The following TMEM38A variants were observed in gnomAD, a reference collection of about 807,000 sequenced individuals.
TMEM38A encodes the protein trimeric intracellular cation channel type A.
In TMEM38A, 17 loss-of-function variants were observed where a neutral mutation model predicts 28.6. The ratio of observed to expected loss-of-function variants is 0.60; its 90% CI spans 0.41 to 0.89. TMEM38A has a LOEUF of 0.89. Among genes scored for constraint, TMEM38A ranks in the 40% least tolerant of loss-of-function variants. The probability of loss-of-function intolerance (pLI) is 0.00; values close to 1 mark genes in which losing one functional copy is unlikely to be tolerated. For missense variants in TMEM38A, 328 were observed against 393.1 expected (o/e 0.83, Z 1.40); for synonymous variants, 169 against 166.1 (o/e 1.02, Z -0.14).
chr19:16,673,790 T>C (rs543253926), intron 1 of TMEM38A, among the ~76,000 whole-genome samples: 1 of 152,260 alleles, frequency 6.6e-6, no homozygotes, highest in East Asian at 1.9e-4. Flanking sequence ...GTTGTTACAA[T>C]GTCACCAGAA....
intron 1 of TMEM38A, among the ~76,000 whole-genome samples, chr19:16,664,856 T>TA (rs1229859338): frequency 1.4e-5 from 2 of 147,562 alleles, no homozygotes; most frequent in Admixed American, 6.8e-5. Flanking sequence ...CCGTGTCTCC[T>TA]AAAAAAATAA....
intron 1 of TMEM38A, among the ~76,000 whole-genome samples, chr19:16,668,373 T>C (rs1222302777): frequency 6.6e-6 from 1 of 151,738 alleles, no homozygotes; most frequent in African/African-American, 2.4e-5. Context: ...AGTGAAACCC[T>C]GTCTCTACTA....
At chr19:16,666,327 G>A (rs1321335012) in intron 1 of TMEM38A, among the ~76,000 whole-genome samples, 1 of 151,684 alleles carries the variant, frequency 6.6e-6, no homozygotes, top group African/African-American at 2.4e-5. Flanking sequence ...ATGTTGGTCA[G>A]GGTGGTCTCA....
At chr19:16,681,881 A>G (rs1421785762) in intron 3 of TMEM38A, among the ~76,000 whole-genome samples, 2 of 152,326 alleles carry the variant, frequency 1.3e-5, no homozygotes, top group African/African-American at 2.4e-5. Context: ...TGGATGTCCA[A>G]GTCTATTTAA....
chr19:16,673,930 A>C (rs1221104857), intron 1 of TMEM38A, among the ~76,000 whole-genome samples: 1 of 149,032 alleles, frequency 6.7e-6, no homozygotes, highest in Non-Finnish European at 1.5e-5. Context: ...TTTACAAAAA[A>C]AGAAAAAAAA....
At chr19:16,671,951 C>A (rs1037936397) in intron 1 of TMEM38A, among the ~76,000 whole-genome samples, 1 of 152,186 alleles carries the variant, frequency 6.6e-6, no homozygotes, top group Non-Finnish European at 1.5e-5. Flanking sequence ...GTGCCTCACC[C>A]GACCTGGCCT....
At position 16,661,793 on chromosome 19, in the gene TMEM38A, T is replaced by C. The variant is rs926980672; in HGVS notation, c.124+452T>C. ...CTATAAGGGCCACTGCGCTGGGGGC[T>C]GCGGTCAGGTTCAGCGAAAGTGACA... On this transcript the variant is annotated intron_variant, in intron 1 of 5. Coordinates refer to ENST00000187762, the MANE Select transcript of TMEM38A (RefSeq NM_024074.4). This position sits in a 1 kb window ranked among gnomAD's most constrained non-coding sequence, Gnocchi z 6.5. 2.6e-5 allele frequency among the ~76,000 whole-genome samples: 4 copies of C among 152,028 alleles called. No homozygotes were observed. The highest frequency in any genetic ancestry group is 9.7e-5 in the African/African-American group (4 of 41,398).
At chr19:16,665,111 A>G (rs1245453425) in intron 1 of TMEM38A, among the ~76,000 whole-genome samples, 2 of 152,136 alleles carry the variant, frequency 1.3e-5, no homozygotes, top group Admixed American at 6.6e-5. Context: ...CCTGACCTAC[A>G]TGGAGAAACC....
intron 1 of TMEM38A, among the ~76,000 whole-genome samples, chr19:16,676,755 C>CTT (rs960732087): frequency 0.08 from 9,519 of 119,230 alleles, 716 homozygotes; most frequent in African/African-American, 0.16. Context: ...TTTTCATGAC[C>CTT]TTTTTTTTTT....
At chr19:16,663,431 G>C (rs2086690682) in intron 1 of TMEM38A, among the ~76,000 whole-genome samples, 1 of 152,110 alleles carries the variant, frequency 6.6e-6, no homozygotes, top group African/African-American at 2.4e-5. Flanking sequence ...AGCCATCCAG[G>C]CTCTAAGTGC....
At chr19:16,681,100 T>C (rs1414899673) in intron 3 of TMEM38A, among the ~76,000 whole-genome samples, 1 of 152,182 alleles carries the variant, frequency 6.6e-6, no homozygotes, top group Non-Finnish European at 1.5e-5. Flanking sequence ...ATGGCCCTTT[T>C]GCCAGTGAAG....
intron 1 of TMEM38A, among the ~76,000 whole-genome samples, chr19:16,668,740 T>A (rs967823206): frequency 5.9e-5 from 9 of 152,154 alleles, no homozygotes; most frequent in African/African-American, 1.9e-4. Flanking sequence ...ACTGGCTTCT[T>A]TCACTTAGGA....
chr19:16,663,136 C>T (rs777644630), intron 1 of TMEM38A, among the ~76,000 whole-genome samples: 6 of 151,930 alleles, frequency 3.9e-5, no homozygotes, highest in Non-Finnish European at 7.4e-5. Context: ...AAAAAATTAG[C>T]CAGGCATGGT....
intron 1 of TMEM38A, among the ~76,000 whole-genome samples, chr19:16,677,985 A>G (rs1268710284): frequency 6.6e-6 from 1 of 152,172 alleles, no homozygotes; most frequent in Non-Finnish European, 1.5e-5. Flanking sequence ...CATCAATTTC[A>G]TAGAGACAGA....
chr19:16,671,658 G>T lies in TMEM38A; in HGVS notation c.125-8326G>T, dbSNP rs1275695195. Among the ~76,000 whole-genome samples the T allele has an allele frequency of 3.9e-5, 6 of 152,242 alleles. No individual in the cohort carries two copies. The South Asian group carries it at 1.0e-3, about 26-fold the overall frequency. On this transcript the variant is annotated intron_variant, in intron 1 of 5. Coordinates refer to ENST00000187762, the MANE Select transcript of TMEM38A (RefSeq NM_024074.4). ...TTGCCCAGGCTGGTCTTGAACTCCTGAGCTCAAGTGATCTGCCTGCCTTGG... is the reference window on the plus strand; with the variant it reads ...TTGCCCAGGCTGGTCTTGAACTCCTTAGCTCAAGTGATCTGCCTGCCTTGG...
chr19:16,670,368 A>G (rs1276076775), intron 1 of TMEM38A, among the ~76,000 whole-genome samples: 1 of 142,222 alleles, frequency 7.0e-6, no homozygotes, highest in Non-Finnish European at 1.5e-5. Context: ...TCCGCCTCCC[A>G]GGTTCAAGCG....
intron 4 of TMEM38A, among the ~76,000 whole-genome samples, chr19:16,684,047 T>A (rs11671422): frequency 0.074 from 11,150 of 151,478 alleles, 538 homozygotes; most frequent in Non-Finnish European, 0.11. Flanking sequence ...GGAGAACCGG[T>A]TGAACCCGGG....
At chr19:16,679,216 G>A (rs2086767280) in intron 1 of TMEM38A, among the ~76,000 whole-genome samples, 1 of 150,240 alleles carries the variant, frequency 6.7e-6, no homozygotes, top group South Asian at 2.1e-4. Context: ...GGGATCTTGG[G>A]ATCAGCTGAG....
chr19:16,676,163 A>G lies in TMEM38A; in HGVS notation c.125-3821A>G, dbSNP rs1232715468. On this transcript the variant is annotated intron_variant, in intron 1 of 5. Transcript: ENST00000187762. ...ATCACGAGGTCAGGAGATTGAGACC[A>G]TCTTGGCTAACACAGTGAAACCCCG... Among the ~76,000 whole-genome samples, 12 of 133,774 alleles carry G rather than the reference A, an allele frequency of 9.0e-5. 1 individual carries two copies. Among genetic ancestry groups the G allele is most frequent in the African/African-American group, 1.6e-4 (4 of 25,380 alleles). The allele number at this position is 133,774 out of a possible 152,430, so 87.8% of individuals were successfully genotyped here.
Sources: gnomAD v4.1 joint callset for allele counts (sites outside exome capture counted in the v4.1 genomes callset) on GRCh38, gnomAD v4.1.1 for gene constraint, Gnocchi (gnomAD v3.1) non-coding constraint, MANE v1.5 for transcripts, NCBI Gene and HGNC (gene_info 2026-07-23, HGNC 2026-07-21) for gene names.